The following TOGARAM1 variants were observed in gnomAD, a reference collection of about 807,000 sequenced individuals.
TOGARAM1 encodes TOG array regulator of axonemal microtubules protein 1.
Under a neutral mutation model 166.6 loss-of-function variants are expected in TOGARAM1, and 100 were observed. That is an observed-to-expected ratio of 0.60 (90% CI 0.51 to 0.71). The LOEUF (loss-of-function observed/expected upper bound fraction) is 0.71, where lower values mean the gene tolerates loss of function less well. Among genes scored for constraint, TOGARAM1 ranks in the 30% least tolerant of loss-of-function variants. TOGARAM1 has a pLI of 0.00. For missense variants in TOGARAM1, 2,029 were observed against 2,102.7 expected (o/e 0.96, Z 0.69); for synonymous variants, 758 against 763.8 (o/e 0.99, Z 0.13).
At chr14:45,002,708 T>C (rs1273961071) in intron 3 of TOGARAM1, among the ~76,000 whole-genome samples, 1 of 152,224 alleles carries the variant, frequency 6.6e-6, no homozygotes, top group Non-Finnish European at 1.5e-5. Flanking sequence ...CTGTGTGCGG[T>C]GGCTCACGCC....
chr14:44,965,857 T>C (rs1444510951), intron 1 of TOGARAM1, among the ~76,000 whole-genome samples: 1 of 151,642 alleles, frequency 6.6e-6, no homozygotes, highest in Non-Finnish European at 1.5e-5. Flanking sequence ...CACTGGGGGC[T>C]TACAAATAGT....
At chr14:45,051,247 A>G (rs1882349743) in intron 14 of TOGARAM1, among the ~76,000 whole-genome samples, 1 of 152,230 alleles carries the variant, frequency 6.6e-6, no homozygotes, top group African/African-American at 2.4e-5. Flanking sequence ...AGTAAAGAAT[A>G]GGATTCTGAA....
At chr14:44,985,277 G>C (rs923617030) in intron 1 of TOGARAM1, among the ~76,000 whole-genome samples, 1 of 152,198 alleles carries the variant, frequency 6.6e-6, no homozygotes, top group Non-Finnish European at 1.5e-5. Context: ...CTCCCAAAGT[G>C]CTGGGATTAA....
chr14:44,977,869 C>T (rs1297383350), intron 1 of TOGARAM1, among the ~76,000 whole-genome samples: 1 of 152,054 alleles, frequency 6.6e-6, no homozygotes, highest in Non-Finnish European at 1.5e-5. Context: ...AGGCTGGTCT[C>T]GAACTCCTGA....
At chr14:44,975,213 A>G (rs1435892275) in intron 1 of TOGARAM1, among the ~76,000 whole-genome samples, 1 of 152,180 alleles carries the variant, frequency 6.6e-6, no homozygotes, top group East Asian at 1.9e-4. Context: ...CAATAACTAC[A>G]TTATACTGGA....
chr14:45,040,951 A>G (rs1423510613), intron 11 of TOGARAM1, among the ~76,000 whole-genome samples: 1 of 152,208 alleles, frequency 6.6e-6, no homozygotes, highest in Non-Finnish European at 1.5e-5. Context: ...AGGCACAAGA[A>G]TCGCTTGAAC....
intron 16 of TOGARAM1, among the ~76,000 whole-genome samples, chr14:45,063,399 A>G (rs547253400): frequency 1.2e-4 from 19 of 152,232 alleles, no homozygotes; most frequent in African/African-American, 3.9e-4. Context: ...CCAGTAGTGT[A>G]AAAGGGTTCA....
intron 8 of TOGARAM1, 150 bp from the exon 9 acceptor site, chr14:45,027,149 T>C: frequency 1.4e-6 from 1 of 702,818 alleles, no homozygotes; most frequent in Non-Finnish European, 2.3e-6. Flanking sequence ...TATTAGGGTA[T>C]TTGTTTTTAT....
rs749274192 is a variant in TOGARAM1, at chr14:45,046,656, A to G, written c.4266A>G (p.Ile1422Met). The change falls in exon 14 of 20, where the codon ATA becomes ATG. Residue 1422 changes from isoleucine (I) to methionine (M), a missense_variant. Physicochemically the swap from Ile to Met is conservative, Grantham distance 10. Around this residue, in one of 2 missense-constraint regions of TOGARAM1, gnomAD observed 576 missense variants for 670.5 expected, o/e 0.86. Coordinates refer to ENST00000361462, the MANE Select transcript of TOGARAM1 (RefSeq NM_001308120.2). Reference protein sequence around the residue: ...LSAAKDMAERILPAAAKFAQD... With the variant: ...LSAAKDMAERMLPAAAKFAQD... ...CAGCAAAGGATATGGCTGAACGCAT[A>G]TTACCAGCTGCTGCTAAGTTTGCTC... 7.4e-6 allele frequency: 10 copies of G among 1,345,264 alleles called. No individual in the cohort carries two copies. The African/African-American group carries it at 1.3e-4, about 18-fold the overall frequency. 83.3% of individuals were successfully genotyped at this position (1,345,264 alleles called of 1,614,324 possible).
At chr14:45,014,076 C>CGCTCTG (rs1879974142) in intron 7 of TOGARAM1, among the ~76,000 whole-genome samples, 1 of 143,396 alleles carries the variant, frequency 7.0e-6, no homozygotes. Flanking sequence ...ACAAGAGTCT[C>CGCTCTG]GCTCTGTCGC....
At chr14:45,011,945 G>T (rs1016219047) in intron 6 of TOGARAM1, 30 bp from the exon 7 acceptor site, 23 of 1,490,082 alleles carry the variant, frequency 1.5e-5, no homozygotes, top group Non-Finnish European at 2.0e-5. Flanking sequence ...AAATCTTAAT[G>T]TTTATTGAAA....
At chr14:45,005,854 G>A (rs755339324) in intron 4 of TOGARAM1, among the ~76,000 whole-genome samples, 154 bp from the exon 5 acceptor site, 28 of 152,126 alleles carry the variant, frequency 1.8e-4, no homozygotes, top group Admixed American at 6.5e-4. Context: ...ATATTGTATC[G>A]AAAGCCGAGG....
At chr14:44,978,629 ACT>A (rs1276673316) in intron 1 of TOGARAM1, among the ~76,000 whole-genome samples, 1 of 151,722 alleles carries the variant, frequency 6.6e-6, no homozygotes, top group African/African-American at 2.4e-5. Context: ...ATATGGTAGG[ACT>A]CTAAAAAAAT....
At chr14:44,982,771 C>T (rs371889946) in intron 1 of TOGARAM1, among the ~76,000 whole-genome samples, 10 of 152,058 alleles carry the variant, frequency 6.6e-5, no homozygotes, top group South Asian at 2.1e-4. Context: ...ATAGCACTGC[C>T]GTAGGATTTT....
At chr14:45,043,343 G>A (rs1881822677) in intron 11 of TOGARAM1, among the ~76,000 whole-genome samples, 3 of 151,848 alleles carry the variant, frequency 2.0e-5, no homozygotes, top group African/African-American at 7.3e-5. Flanking sequence ...ATGCCCAGCT[G>A]ATTTTTGTAT....
chr14:44,991,044 C>T (rs1318368313), intron 1 of TOGARAM1, among the ~76,000 whole-genome samples: 8 of 145,932 alleles, frequency 5.5e-5, no homozygotes, highest in African/African-American at 1.8e-4. Context: ...ACTGCAGCCT[C>T]GACCCCCAGG....
intron 7 of TOGARAM1, among the ~76,000 whole-genome samples, chr14:45,013,774 C>T (rs978746583): frequency 1.3e-5 from 2 of 152,096 alleles, no homozygotes; most frequent in Non-Finnish European, 2.9e-5. Flanking sequence ...TCAGGCTGAT[C>T]ATCCTAATCT....
intron 18 of TOGARAM1, among the ~76,000 whole-genome samples, chr14:45,068,954 A>G (rs1292516346): frequency 1.3e-5 from 2 of 151,974 alleles, no homozygotes; most frequent in East Asian, 1.9e-4. Flanking sequence ...AGAAAAAAAT[A>G]TAAAAATAAG....
Position 45,032,268 on chromosome 14 carries a change from C to A in TOGARAM1, c.3704C>A (p.Pro1235His), listed in dbSNP as rs1881205496. ...ATTTCACAGTATAAAGAAAGGATGC[C>A]TTCTGTCACTCATAGTCCAGAAATA... Reference protein sequence around the residue: ...GAISQYKERMPSVTHSPEIMD... With the variant: ...GAISQYKERMHSVTHSPEIMD... Residue 1235 changes from proline to histidine, a missense_variant, in exon 11 of 20, where the codon CCT (proline) becomes CAT (histidine). Physicochemically the swap from Pro to His is moderately conservative, Grantham distance 77. Coordinates refer to ENST00000361462, the MANE Select transcript of TOGARAM1 (RefSeq NM_001308120.2). 1.2e-6 allele frequency: 2 copies of A among 1,613,730 alleles called. No homozygotes were observed. The highest frequency in any genetic ancestry group is 1.7e-6 in the Non-Finnish European group (2 of 1,179,718).
Sources: gnomAD v4.1 joint callset for allele counts (sites outside exome capture counted in the v4.1 genomes callset) on GRCh38, gnomAD v4.1.1 for gene constraint, gnomAD v4.1.1 regional missense constraint, MANE v1.5 for transcripts, NCBI Gene and HGNC (gene_info 2026-07-23, HGNC 2026-07-21) for gene names.